The following ASMTL variants were observed in gnomAD, a reference collection of about 807,000 sequenced individuals.
ASMTL encodes acetylserotonin O-methyltransferase like.
Under a neutral mutation model 60.3 loss-of-function variants are expected in ASMTL, and 57 were observed. The observed-to-expected ratio is 0.95, with a 90% CI of 0.76 to 1.18. The LOEUF is 1.18. Ranked by LOEUF, ASMTL falls within the 50% of genes most tolerant of loss-of-function variation. ASMTL has a pLI of 0.00. For synonymous variants in ASMTL, 419 were observed against 373.0 expected, an observed-to-expected ratio of 1.12 and a Z score of -1.42; for missense variants, 981 against 852.6, an observed-to-expected ratio of 1.15 and a Z score of -1.88.
In ASMTL at chrX:1,427,804, C is replaced by T. The variant is rs2090651672; in HGVS notation, c.827G>A (p.Arg276Lys). 1 of 1,612,760 alleles carries T rather than the reference C, an allele frequency of 6.2e-7. No individual in the cohort carries two copies. Among genetic ancestry groups the T allele is most frequent in the Admixed American group, 1.7e-5 (1 of 59,986 alleles). The change falls in exon 7 of 13, where the codon AGG becomes AAG. Residue 276 changes from arginine to lysine, a missense_variant. By Grantham distance (26) the Arg-to-Lys change is conservative (BLOSUM62 2). Transcript: ENST00000381317. ...GQATAEAECHRTRETLPPFPT... is the reference protein window; with the variant it reads ...GQATAEAECHKTRETLPPFPT... Reference sequence around the variant, plus strand: ...GAACGGAGGCAGGGTCTCCCGAGTCCTGTGACACTCAGCCTCTGCCGTGGC... The same window carrying T: ...GAACGGAGGCAGGGTCTCCCGAGTCTTGTGACACTCAGCCTCTGCCGTGGC...
chrX:1,423,983 C>A (rs1390531997), intron 8 of ASMTL, among the ~76,000 whole-genome samples: 7 of 151,402 alleles, frequency 4.6e-5, no homozygotes, highest in African/African-American at 1.7e-4. Context: ...TTTATCCATT[C>A]ATTCCCCCAC....
rs1385733684 is a variant in ASMTL, at chrX:1,450,098, CCATCACCAGTAACT to C, written c.93+2636_93+2649del. Among the ~76,000 whole-genome samples the C allele has an allele frequency of 2.6e-5, 4 of 151,210 alleles. No homozygotes were observed. The Admixed American group carries it at 2.7e-4, about 10-fold the overall frequency. On this transcript the variant is annotated intron_variant, in intron 1 of 12. Transcript: ENST00000381317. The stretch of plus-strand genomic sequence containing the variant: ...TATGCCCCCATCACCAGTAACTATC[CCATCACCAGTAACT>C]ATCACCCCATTACCAGTAACTATCC...
intron 2 of ASMTL, among the ~76,000 whole-genome samples, chrX:1,440,089 C>CT (rs1191286971): frequency 1.7e-3 from 199 of 120,264 alleles, no homozygotes; most frequent in East Asian, 2.9e-3. Flanking sequence ...TTCTTTCTTT[C>CT]TTTTTTTTTT....
intron 1 of ASMTL, 134 bp from the exon 2 acceptor site, chrX:1,442,451 C>T (rs1277058953): frequency 2.4e-5 from 25 of 1,026,980 alleles, no homozygotes; most frequent in South Asian, 7.8e-5. Context: ...CTCATCCATC[C>T]GCCAAGCTTT....
At chrX:1,431,121 A>G (rs1195478305) in intron 6 of ASMTL, among the ~76,000 whole-genome samples, 1 of 124,482 alleles carries the variant, frequency 8.0e-6, no homozygotes, top group African/African-American at 3.2e-5. Context: ...TTTATAATAT[A>G]TAATCATTTT....
chrX:1,436,580 CT>C (rs2090972116), intron 3 of ASMTL, among the ~76,000 whole-genome samples: 1 of 152,150 alleles, frequency 6.6e-6, no homozygotes, highest in South Asian at 2.1e-4. Context: ...TCTCGATCTC[CT>C]GACCTTGTGA....
upstream of ASMTL, chrX:1,452,935 C>G: frequency 9.8e-7 from 1 of 1,015,612 alleles, no homozygotes; most frequent in Non-Finnish European, 1.4e-6. Flanking sequence ...GCCAGAGTCC[C>G]GCCTCCGCGA....
At chrX:1,436,709 GT>G (rs2090975558) in intron 3 of ASMTL, among the ~76,000 whole-genome samples, 1 of 152,196 alleles carries the variant, frequency 6.6e-6, no homozygotes, top group African/African-American at 2.4e-5. Context: ...GGACCATGTT[GT>G]AATTTCCCAT....
chrX:1,452,626 C>A, intron 1 of ASMTL, 122 bp downstream of exon 1: 2 of 770,136 alleles, frequency 2.6e-6, no homozygotes, highest in South Asian at 3.6e-5. Context: ...CTCCCCTCCC[C>A]CATCCCTAAG....
At chrX:1,407,624 C>G (rs1366077313) in intron 12 of ASMTL, among the ~76,000 whole-genome samples, 6 of 152,042 alleles carry the variant, frequency 3.9e-5, no homozygotes, top group African/African-American at 1.5e-4. Context: ...TGGCTCACAC[C>G]TGTAATCGCA....
intron 10 of ASMTL, among the ~76,000 whole-genome samples, chrX:1,418,356 C>T (rs1258865136): frequency 2.0e-5 from 3 of 151,078 alleles, no homozygotes; most frequent in African/African-American, 7.4e-5. Flanking sequence ...GCTGTACTCC[C>T]TTCTCCTTCC....
chrX:1,428,526 A>C (rs1383984639), intron 6 of ASMTL, among the ~76,000 whole-genome samples: 1 of 151,318 alleles, frequency 6.6e-6, no homozygotes, highest in African/African-American at 2.4e-5. Flanking sequence ...ACACGCCTGT[A>C]ATCCCAGCTA....
intron 1 of ASMTL, among the ~76,000 whole-genome samples, chrX:1,446,808 T>C (rs2091240237): frequency 6.6e-6 from 1 of 152,178 alleles, no homozygotes; most frequent in East Asian, 1.9e-4. Context: ...CCATAATTTG[T>C]CTTTTAATAA....
intron 1 of ASMTL, among the ~76,000 whole-genome samples, chrX:1,449,502 C>A (rs1412335534): frequency 2.6e-5 from 4 of 151,826 alleles, no homozygotes; most frequent in Admixed American, 2.0e-4. Flanking sequence ...CATGTGGTGT[C>A]CCCCCTCCCA....
chrX:1,449,908 TATCCCACCATCACCAGTAACTA>T (rs2091319172), intron 1 of ASMTL, among the ~76,000 whole-genome samples: 1 of 123,366 alleles, frequency 8.1e-6, no homozygotes, highest in Non-Finnish European at 1.6e-5. Context: ...ACCCAGTAAC[TATCCCACCATCACCAGTAACTA>T]ACCCCCACCA....
chrX:1,437,270 T>A (rs1295077852), intron 3 of ASMTL, among the ~76,000 whole-genome samples: 1 of 151,784 alleles, frequency 6.6e-6, no homozygotes, highest in Non-Finnish European at 1.5e-5. Context: ...CACAGGGTCA[T>A]CCCTCTGTGT....
In ASMTL at chrX:1,425,544, G is replaced by T. The variant is rs150570517; in HGVS notation, c.1041C>A (p.Leu347=). Residue 347 remains leucine, a synonymous_variant, in exon 8 of 13, where the codon CTC becomes CTA. Transcript: ENST00000381317. ...TGTCACCTTGCTCTGTCTTCTCCAGGAGCCCCATGGCAGCACAGATGTCCA... is the reference window on the plus strand; with the variant it reads ...TGTCACCTTGCTCTGTCTTCTCCAGTAGCCCCATGGCAGCACAGATGTCCA... ...RLLDICAAMG[L]LEKTEQGYSN... 1,931 of 1,612,992 alleles carry T rather than the reference G, an allele frequency of 1.2e-3. 20 individuals carry two copies. The African/African-American group carries it at 0.02, about 16-fold the overall frequency.
intron 1 of ASMTL, among the ~76,000 whole-genome samples, chrX:1,446,985 T>C (rs2091243023): frequency 1.3e-5 from 2 of 152,222 alleles, no homozygotes; most frequent in Admixed American, 1.3e-4. Context: ...TTTGCATTCT[T>C]TTCCTTTTTC....
At position 1,419,085 on chromosome X, in the gene ASMTL, C is replaced by T. The variant is rs1181335841; in HGVS notation, c.1275G>A (p.Arg425=). ...CGTGCATGGCCCGCATGAACCTCAG[C>T]CGCGTCTCCGGGCTCTGGTAGTACG... ...QDAYYQSPET[R]LRFMRAMHGM... is the part of the protein sequence containing the mutation. Residue 425 remains arginine (R), a synonymous_variant, in exon 10 of 13, where the codon CGG becomes CGA. Coordinates refer to ENST00000381317, the MANE Select transcript of ASMTL (RefSeq NM_004192.4). 4 of 1,611,160 alleles carry T rather than the reference C, an allele frequency of 2.5e-6. No homozygotes were observed. The highest frequency in any genetic ancestry group is 3.4e-6 in the Non-Finnish European group (4 of 1,179,480).
Sources: allele counts gnomAD v4.1 joint callset (sites outside exome capture counted in the v4.1 genomes callset), GRCh38; gene constraint gnomAD v4.1.1; transcripts MANE v1.5; gene names NCBI Gene and HGNC (gene_info 2026-07-23, HGNC 2026-07-21).